FARP1: variants seen among roughly 807,000 people sequenced by gnomAD.
FARP1 encodes FERM, ARH/RhoGEF and pleckstrin domain protein 1, also known as FERM, ARHGEF and pleckstrin domain-containing protein 1.
A neutral mutation model predicts 128.8 loss-of-function variants in FARP1; 52 were observed. The ratio of observed to expected loss-of-function variants is 0.40; its 90% CI spans 0.32 to 0.51. The LOEUF (loss-of-function observed/expected upper bound fraction) is 0.51, where lower values mean the gene tolerates loss of function less well. FARP1 is among the 20% of genes least tolerant of loss of function. FARP1 has a pLI of 0.45. For missense variants in FARP1, 1,333 were observed against 1,367.9 expected (o/e 0.97, Z 0.40); for synonymous variants, 580 against 551.8 (o/e 1.05, Z -0.72).
At chr13:98,448,178 A>AAAGT in intron 26 of FARP1, 58 bp from the exon 27 acceptor site, 1 of 1,431,688 alleles carries the variant, frequency 7.0e-7, no homozygotes, top group Non-Finnish European at 9.9e-7. Context: ...GATGCCCACC[A>AAAGT]AAGTGTCAGG....
chr13:98,430,365 G>A (rs1269355531), intron 17 of FARP1, among the ~76,000 whole-genome samples: 4 of 152,244 alleles, frequency 2.6e-5, no homozygotes, highest in Non-Finnish European at 4.4e-5. Context: ...GTGTCCTGGG[G>A]TGTCCCCTGT....
chr13:98,152,825 T>C (rs74731152), intron 1 of FARP1, among the ~76,000 whole-genome samples: 4,068 of 152,286 alleles, frequency 0.027, 189 homozygotes, highest in African/African-American at 0.092. Context: ...ATAAGGACTT[T>C]AGATGTTTGA....
At chr13:98,266,191 A>C (rs1411428711) in intron 2 of FARP1, among the ~76,000 whole-genome samples, 2 of 152,118 alleles carry the variant, frequency 1.3e-5, no homozygotes, top group Non-Finnish European at 2.9e-5. Context: ...CTGGGTGAGC[A>C]TTCTGTGTCA....
intron 2 of FARP1, among the ~76,000 whole-genome samples, chr13:98,260,816 T>G (rs1883843205): frequency 6.6e-6 from 1 of 152,216 alleles, no homozygotes; most frequent in East Asian, 1.9e-4. Context: ...CGTCAGGTTT[T>G]CCAGAGCCCA....
rs558478842 is a variant in FARP1 at position 98,428,800 on chromosome 13, GCCAGGCCCCCAAGGATGTGA to G, written c.1906-2241_1906-2222del. Reference sequence around the variant, plus strand: ...AGACCTTTGGACACCCACTGTGTATGCCAGGCCCCCAAGGATGTGACGACATGCCAGGATGTTACAACATG... The same window carrying G: ...AGACCTTTGGACACCCACTGTGTATGCGACATGCCAGGATGTTACAACATG... On this transcript the variant is annotated intron_variant, in intron 17 of 26. Coordinates refer to ENST00000319562, the MANE Select transcript of FARP1 (RefSeq NM_005766.4). 4.1e-4 allele frequency among the ~76,000 whole-genome samples: 63 copies of G among 152,336 alleles called. No individual in the cohort carries two copies. In the East Asian group the frequency reaches 0.012, roughly 28 times the overall value.
intron 13 of FARP1, chr13:98,399,138 A>C (rs1276516503): frequency 6.6e-6 from 1 of 152,210 alleles, no homozygotes; most frequent in Non-Finnish European, 1.5e-5. Flanking sequence ...CAAAAGCAGC[A>C]ATCCTGGTGT....
intron 2 of FARP1, among the ~76,000 whole-genome samples, chr13:98,266,538 A>G (rs549174725): frequency 9.8e-5 from 15 of 152,286 alleles, no homozygotes; most frequent in African/African-American, 3.4e-4. Context: ...TAGCTTACTT[A>G]CTTGCTCTGC....
intron 2 of FARP1, among the ~76,000 whole-genome samples, chr13:98,313,229 G>T (rs1340949802): frequency 1.1e-4 from 14 of 127,158 alleles, no homozygotes; most frequent in Non-Finnish European, 1.8e-4. Context: ...CTCTGGAATC[G>T]GGTGGGTCAT....
intron 2 of FARP1, among the ~76,000 whole-genome samples, chr13:98,268,778 TTGTGTGTGTGTGTG>T (rs59132299): frequency 0.018 from 2,632 of 148,262 alleles, 41 homozygotes; most frequent in African/African-American, 0.041. Context: ...TTTCCCTTCT[TTGTGTGTGTGTGTG>T]TGTGTGTGTG....
intron 16 of FARP1, among the ~76,000 whole-genome samples, chr13:98,418,714 G>A (rs1891480786): frequency 6.6e-6 from 1 of 152,232 alleles, no homozygotes; most frequent in African/African-American, 2.4e-5. Flanking sequence ...TGCCAGAATT[G>A]CAGGTGGGTT....
intron 4 of FARP1, among the ~76,000 whole-genome samples, chr13:98,366,848 G>T (rs1889107146): frequency 6.6e-6 from 1 of 151,816 alleles, no homozygotes; most frequent in Admixed American, 6.6e-5. Flanking sequence ...TCCCAATTTT[G>T]TACATATTGT....
intron 2 of FARP1, among the ~76,000 whole-genome samples, chr13:98,301,539 T>C (rs1292446471): frequency 6.6e-6 from 1 of 152,226 alleles, no homozygotes; most frequent in African/African-American, 2.4e-5. Flanking sequence ...TGGCATTTGT[T>C]TACTTTTCCA....
chr13:98,193,326 G>C (rs1240361869), intron 1 of FARP1, among the ~76,000 whole-genome samples: 1 of 152,204 alleles, frequency 6.6e-6, no homozygotes, highest in Non-Finnish European at 1.5e-5. Flanking sequence ...AAAGTGCTGG[G>C]ATTACAGGCG....
intron 2 of FARP1, among the ~76,000 whole-genome samples, chr13:98,265,296 AC>A (rs1884054735): frequency 1.0e-5 from 1 of 95,590 alleles, no homozygotes; most frequent in Non-Finnish European, 2.0e-5. Flanking sequence ...ACCCACCCAC[AC>A]CCCTCCTTCC....
chr13:98,160,671 A>AT (rs963774181), intron 1 of FARP1, among the ~76,000 whole-genome samples: 1 of 151,626 alleles, frequency 6.6e-6, no homozygotes, highest in African/African-American at 2.4e-5. Context: ...TTTAATTTAA[A>AT]TTTTTTTTTT....
intron 2 of FARP1, among the ~76,000 whole-genome samples, chr13:98,233,371 G>A (rs930144309): frequency 6.6e-6 from 1 of 152,008 alleles, no homozygotes; most frequent in Admixed American, 6.6e-5. Context: ...TGTGCAGACT[G>A]GGAAGCCACA....
chr13:98,255,650 T>C (rs1014919505), intron 2 of FARP1, among the ~76,000 whole-genome samples: 3 of 152,244 alleles, frequency 2.0e-5, no homozygotes, highest in East Asian at 1.9e-4. Flanking sequence ...ATGCATAAGA[T>C]GGAAAATATA....
Position 98,321,805 on chromosome 13 carries a change from A to G in FARP1, c.172-21957A>G, listed in dbSNP as rs75186519. ...TTATGGAATAGAAAAATGTTTGATA[A>G]TATTAATCATCTGAGAGAATTTGAT... On this transcript the variant is annotated intron_variant, in intron 2 of 26. Transcript: ENST00000319562. Among the ~76,000 whole-genome samples the G allele has an allele frequency of 2.0e-5, 3 of 152,358 alleles. No homozygotes were observed. The East Asian group carries it at 5.8e-4, about 29-fold the overall frequency.
intron 18 of FARP1, chr13:98,434,828 C>T (rs1324455222): frequency 6.6e-6 from 1 of 152,276 alleles, no homozygotes; most frequent in Non-Finnish European, 1.5e-5. Context: ...AACCTTGTCT[C>T]TACTGAAAAT....
Sources: gnomAD v4.1 joint callset for allele counts (sites outside exome capture counted in the v4.1 genomes callset) on GRCh38, gnomAD v4.1.1 for gene constraint, MANE v1.5 for transcripts, NCBI Gene and HGNC (gene_info 2026-07-23, HGNC 2026-07-21) for gene names.